The following PTPRT variants were observed in gnomAD, a reference collection of about 807,000 sequenced individuals.
The protein encoded by PTPRT is receptor-type tyrosine-protein phosphatase T.
A neutral mutation model predicts 176.8 loss-of-function variants in PTPRT; 56 were observed. The ratio of observed to expected loss-of-function variants is 0.32; its 90% CI spans 0.26 to 0.40. The LOEUF (loss-of-function observed/expected upper bound fraction) is 0.40, where lower values mean the gene tolerates loss of function less well. PTPRT is among the 10% of genes least tolerant of loss of function. PTPRT has a pLI of 1.00. For synonymous variants in PTPRT, 783 were observed against 739.0 expected (o/e 1.06, Z -0.96); for missense variants, 1,540 against 1,908.2 (o/e 0.81, Z 3.60).
intron 6 of PTPRT, chr20:42,687,098 T>C (rs2075709918): frequency 6.6e-6 from 1 of 152,204 alleles, no homozygotes; most frequent in African/African-American, 2.4e-5. Flanking sequence ...AAACTGTCTT[T>C]GCTACTAATA....
At chr20:42,052,103 C>G in the PTPRT span, among the ~76,000 whole-genome samples, 1 of 152,190 alleles carries the variant, frequency 6.6e-6, no homozygotes, top group Non-Finnish European at 1.5e-5. Flanking sequence ...GGGTGGCATA[C>G]CCTGTTGGGC....
intron 9 of PTPRT, among the ~76,000 whole-genome samples, chr20:42,370,563 G>C (rs1217234853): frequency 6.6e-6 from 1 of 152,088 alleles, no homozygotes; most frequent in East Asian, 1.9e-4. Context: ...TGAGACTTTG[G>C]GCAAGGTGCT....
intron 9 of PTPRT, among the ~76,000 whole-genome samples, chr20:42,365,638 C>T (rs1485731862): frequency 1.3e-5 from 2 of 151,964 alleles, no homozygotes; most frequent in Non-Finnish European, 2.9e-5. Context: ...AATACACTCA[C>T]ACTGACGATA....
At chr20:42,323,601 G>A (rs2145409823) in intron 11 of PTPRT, among the ~76,000 whole-genome samples, 1 of 152,054 alleles carries the variant, frequency 6.6e-6, no homozygotes, top group Non-Finnish European at 1.5e-5. Context: ...TCACACTCTG[G>A]GGACTGTTGT....
At chr20:42,101,662 C>T (rs1392638618) in intron 26 of PTPRT, among the ~76,000 whole-genome samples, 2 of 152,220 alleles carry the variant, frequency 1.3e-5, no homozygotes, top group Non-Finnish European at 2.9e-5. Context: ...CTACTGTGCG[C>T]CATCCTCATT....
chr20:42,865,311 G>A (rs974962518), intron 2 of PTPRT, among the ~76,000 whole-genome samples: 6 of 152,134 alleles, frequency 3.9e-5, no homozygotes, highest in Non-Finnish European at 8.8e-5. Flanking sequence ...CAGCAGACCC[G>A]GATCTCCTGA....
intron 2 of PTPRT, among the ~76,000 whole-genome samples, chr20:42,880,533 T>C (rs912305755): frequency 6.6e-6 from 1 of 152,120 alleles, no homozygotes; most frequent in Non-Finnish European, 1.5e-5. Context: ...CCTCCAGCAC[T>C]CACATCTTCC....
intron 1 of PTPRT, among the ~76,000 whole-genome samples, chr20:42,991,427 G>GA (rs56127598): frequency 0.023 from 3,110 of 138,210 alleles, 41 homozygotes; most frequent in South Asian, 0.074. Flanking sequence ...TGCTCCAAAA[G>GA]AAAAAAAAAA....
intron 2 of PTPRT, among the ~76,000 whole-genome samples, chr20:42,862,593 A>G (rs1305817143): frequency 2.0e-5 from 3 of 152,142 alleles, no homozygotes; most frequent in Non-Finnish European, 4.4e-5. Flanking sequence ...ACATCACACC[A>G]TATGCCAGAG....
intron 25 of PTPRT, among the ~76,000 whole-genome samples, chr20:42,102,760 G>A (rs183229653): frequency 1.2e-4 from 19 of 152,336 alleles, no homozygotes; most frequent in African/African-American, 4.1e-4. Flanking sequence ...TCTGAGTATG[G>A]AAGGATGCCT....
At chr20:42,793,269 T>C (rs547494451) in intron 2 of PTPRT, among the ~76,000 whole-genome samples, 64 of 152,254 alleles carry the variant, frequency 4.2e-4, no homozygotes, top group African/African-American at 1.5e-3. Context: ...GGCTTTTAGT[T>C]TGACTAGCAA....
chr20:42,250,482 C>T (rs188420605), intron 13 of PTPRT, among the ~76,000 whole-genome samples: 25 of 152,084 alleles, frequency 1.6e-4, no homozygotes, highest in South Asian at 4.1e-4. Flanking sequence ...CCCTCCAGCA[C>T]ATTGATGCAC....
intron 12 of PTPRT, among the ~76,000 whole-genome samples, chr20:42,308,453 T>C (rs1055881246): frequency 1.6e-4 from 25 of 151,996 alleles, no homozygotes; most frequent in African/African-American, 4.8e-4. Context: ...GTTAGGAAGG[T>C]GTGTGCTTCT....
rs755223616 is a variant in PTPRT at position 42,128,834 on chromosome 20, CAG to C, written c.2771-6_2771-5del. ...AGCCTCACCCGGGAATGGTCGTCTG[CAG>C]AGAGAGCAGAAATCAAGGGGATGGT... On this transcript the variant is annotated splice_region_variant and splice_polypyrimidine_tract_variant and intron_variant, in intron 18 of 30. Coordinates refer to ENST00000373187, the MANE Select transcript of PTPRT (RefSeq NM_007050.6). 1.9e-6 allele frequency: 3 copies of C among 1,600,678 alleles called. No homozygotes were observed. The highest frequency in any genetic ancestry group is 2.3e-5 in the South Asian group (2 of 88,820).
At chr20:42,646,991 C>A (rs758798405) in intron 7 of PTPRT, among the ~76,000 whole-genome samples, 2 of 142,364 alleles carry the variant, frequency 1.4e-5, no homozygotes, top group Admixed American at 7.6e-5. Flanking sequence ...ATCTACTGGG[C>A]TCGAGCAATC....
intron 1 of PTPRT, among the ~76,000 whole-genome samples, chr20:42,959,140 A>T (rs2146036160): frequency 6.6e-6 from 1 of 152,258 alleles, no homozygotes; most frequent in East Asian, 1.9e-4. Context: ...GTTTGAACTT[A>T]GTGGGGTGTC....
chr20:42,325,818 C>T (rs2057873687), intron 11 of PTPRT, among the ~76,000 whole-genome samples: 1 of 152,196 alleles, frequency 6.6e-6, no homozygotes, highest in Non-Finnish European at 1.5e-5. Flanking sequence ...ACAAGACTCA[C>T]TCTTAAGAAC....
intron 1 of PTPRT, among the ~76,000 whole-genome samples, chr20:43,070,665 G>A (rs2011167688): frequency 6.6e-6 from 1 of 152,274 alleles, no homozygotes; most frequent in East Asian, 1.9e-4. Context: ...ATGAGTTCAT[G>A]TCCTTTGTAG....
chr20:42,727,976 C>A (rs1276969971), intron 6 of PTPRT, among the ~76,000 whole-genome samples: 1 of 152,130 alleles, frequency 6.6e-6, no homozygotes. Context: ...TATCTTTCCT[C>A]ACATTGTGCC....
Sources: gnomAD v4.1 joint callset for allele counts (sites outside exome capture counted in the v4.1 genomes callset) on GRCh38, gnomAD v4.1.1 for gene constraint, MANE v1.5 for transcripts, NCBI Gene and HGNC (gene_info 2026-07-23, HGNC 2026-07-21) for gene names.